The following SPTBN2 variants were observed in gnomAD, a reference collection of about 807,000 sequenced individuals.
SPTBN2 encodes spectrin beta, non-erythrocytic 2, also known as spectrin beta chain, non-erythrocytic 2.
Under a neutral mutation model 284.2 loss-of-function variants are expected in SPTBN2, and 107 were observed. That is an observed-to-expected ratio of 0.38 (90% confidence interval 0.32 to 0.44). SPTBN2 has a LOEUF of 0.44. Among genes scored for constraint, SPTBN2 ranks in the 20% least tolerant of loss-of-function variants. The pLI, the probability that SPTBN2 is intolerant of heterozygous loss-of-function variation, is 1.00. For synonymous variants in SPTBN2, 1,289 were observed against 1,354.8 expected (o/e 0.95, Z 1.07); for missense variants, 2,569 against 3,287.1 (o/e 0.78, Z 5.34).
intron 20 of SPTBN2, among the ~76,000 whole-genome samples, chr11:66,696,837 C>T (rs746042128): frequency 7.2e-5 from 11 of 152,216 alleles, no homozygotes; most frequent in Non-Finnish European, 1.5e-4. Flanking sequence ...GTTTCTGGCA[C>T]CACACTGCAC....
chr11:66,706,088 C>G (rs1941539263), intron 13 of SPTBN2, among the ~76,000 whole-genome samples: 1 of 152,154 alleles, frequency 6.6e-6, no homozygotes, highest in African/African-American at 2.4e-5. Flanking sequence ...TCTTCTCAGC[C>G]TCAGAATCAT....
At chr11:66,733,682 T>C (rs1942830895), upstream of SPTBN2, among the ~76,000 whole-genome samples, 1 of 152,110 alleles carries the variant, frequency 6.6e-6, no homozygotes, top group Non-Finnish European at 1.5e-5. Context: ...AGATGGTAAT[T>C]GAAGGGGATA....
At position 66,689,105 on chromosome 11, in the gene SPTBN2, G is replaced by A. The variant is rs1940357178; in HGVS notation, c.6025C>T (p.Leu2009Phe). 3.1e-6 allele frequency: 5 copies of A among 1,607,992 alleles called. No individual in the cohort carries two copies. Among genetic ancestry groups the A allele is most frequent in the South Asian group, 2.2e-5 (2 of 89,978 alleles). ...CCCCTTGGCAGCTCACCCAGCTGAAGCCAGTCCATCTTCTCCTGCCACTTC... is the reference window on the plus strand; with the variant it reads ...CCCCTTGGCAGCTCACCCAGCTGAAACCAGTCCATCTTCTCCTGCCACTTC... ...AEKWQEKMDWLQLVLEVLVFG... is the reference protein window; with the variant it reads ...AEKWQEKMDWFQLVLEVLVFG... Residue 2009 changes from leucine to phenylalanine, a missense_variant, in exon 30 of 38, where the codon CTT (leucine) becomes TTT (phenylalanine). This residue lies in a region of SPTBN2 where 1,130 missense variants were observed against 1,317.3 expected (regional missense o/e 0.86). Coordinates refer to ENST00000533211, the MANE Select transcript of SPTBN2 (RefSeq NM_006946.4).
intron 21 of SPTBN2, among the ~76,000 whole-genome samples, chr11:66,695,127 G>A (rs912386224): frequency 1.3e-5 from 2 of 151,500 alleles, no homozygotes; most frequent in African/African-American, 4.9e-5. Flanking sequence ...CTCCTTCCTG[G>A]GGGACTCCTC....
rs1942271635 is a variant in SPTBN2 at position 66,718,987 on chromosome 11, C to A, written c.157+2097G>T. On this transcript the variant is annotated intron_variant, in intron 3 of 37. Transcript: ENST00000533211. This position sits in a 1 kb window ranked among gnomAD's most constrained non-coding sequence, Gnocchi z 4.8. Reference sequence around the variant, plus strand: ...GCCCATCAGGCCCCAAGTTACCTAACAATGCACAGGACCCACGAGAGGGGC... The same window carrying A: ...GCCCATCAGGCCCCAAGTTACCTAAAAATGCACAGGACCCACGAGAGGGGC... Among the ~76,000 whole-genome samples the A allele has an allele frequency of 1.3e-5, 2 of 152,252 alleles. No individual in the cohort carries two copies. The highest frequency in any genetic ancestry group is 2.1e-4 in the South Asian group (1 of 4,834).
chr11:66,703,743 AAAAG>A (rs1941372392), intron 15 of SPTBN2, among the ~76,000 whole-genome samples: 1 of 152,064 alleles, frequency 6.6e-6, no homozygotes, highest in Admixed American at 6.6e-5. Context: ...TCTCAAAAAA[AAAAG>A]AAATTCCTAA....
chr11:66,736,289 G>A (rs1250124420), intron 1 of SPTBN2, among the ~76,000 whole-genome samples: 1 of 152,134 alleles, frequency 6.6e-6, no homozygotes, highest in African/African-American at 2.4e-5. Flanking sequence ...TGATGAAATC[G>A]GAGAAAGTAG....
intron 1 of SPTBN2, among the ~76,000 whole-genome samples, chr11:66,735,129 G>T (rs1942843204): frequency 1.3e-5 from 2 of 151,944 alleles, no homozygotes; most frequent in Non-Finnish European, 2.9e-5. Flanking sequence ...GGTCAGGAGT[G>T]GGAGACCAGC....
At chr11:66,701,445 TCC>T in intron 16 of SPTBN2, 137 bp downstream of exon 16, 1 of 1,541,428 alleles carries the variant, frequency 6.5e-7, no homozygotes, top group Admixed American at 1.8e-5. Flanking sequence ...TCATCCTTTT[TCC>T]TTCCCCAACA....
chr11:66,740,493 AG>A (rs1942888636), intron 1 of SPTBN2, among the ~76,000 whole-genome samples: 1 of 152,116 alleles, frequency 6.6e-6, no homozygotes, highest in Admixed American at 6.5e-5. Context: ...GAGGGAGGTG[AG>A]TGGTGAAGCT....
At position 66,691,356 on chromosome 11, in the gene SPTBN2, G is replaced by A; in HGVS notation, c.5493C>T (p.Asp1831=). The A allele has an allele frequency of 6.3e-7, 1 of 1,579,706 alleles. No homozygotes were observed. Among genetic ancestry groups the A allele is most frequent in the Non-Finnish European group, 8.6e-7 (1 of 1,159,198 alleles). The change falls in exon 27 of 38, where the codon GAC becomes GAT. Residue 1831 remains aspartate (D), a synonymous_variant. Coordinates refer to ENST00000533211, the MANE Select transcript of SPTBN2 (RefSeq NM_006946.4). This position sits in a 1 kb window ranked among gnomAD's most constrained non-coding sequence, Gnocchi z 8.0. ...GCTGCAGGGCCTCGGCAGCGTTGAG[G>A]TCGCGGCCAGTCCCGTCCGGAAGCT... is the stretch of plus-strand genomic sequence containing the variant. ...QQQLPDGTGR[D]LNAAEALQRR...
chr11:66,691,590 G>A lies in SPTBN2; in HGVS notation c.5259C>T (p.Ser1753=), dbSNP rs963539496. 6 of 1,613,656 alleles carry A rather than the reference G, an allele frequency of 3.7e-6. No homozygotes were observed. Among genetic ancestry groups the A allele is most frequent in the African/African-American group, 2.7e-5 (2 of 74,948 alleles). ...TGAGCCCATTGGCCAGCGCATTGGCGCTATCTACGCGCTCCTGACCGATGG... is the reference window on the plus strand; with the variant it reads ...TGAGCCCATTGGCCAGCGCATTGGCACTATCTACGCGCTCCTGACCGATGG... ...TSTIGQERVD[S]ANALANGLIA... Residue 1753 remains serine, a synonymous_variant, in exon 27 of 38, where the codon AGC becomes AGT. Transcript: ENST00000533211. The surrounding 1 kb of genome is among the most constrained non-coding windows in gnomAD (Gnocchi z 8.0).
intron 1 of SPTBN2, among the ~76,000 whole-genome samples, chr11:66,726,720 C>T (rs897637990): frequency 2.6e-5 from 4 of 152,202 alleles, no homozygotes; most frequent in African/African-American, 9.7e-5. Flanking sequence ...AGGAGAACGG[C>T]AGAGCTAGAG....
chr11:66,690,512 G>A, intron 27 of SPTBN2, among the ~76,000 whole-genome samples: 1 of 152,194 alleles, frequency 6.6e-6, no homozygotes, highest in East Asian at 1.9e-4. Flanking sequence ...ATCTGGAAAA[G>A]AGCCATTGGC....
chr11:66,687,589 C>T lies in SPTBN2; in HGVS notation c.6560G>A (p.Arg2187Gln), dbSNP rs775830950. The change falls in exon 35 of 38, where the codon CGG becomes CAG. Residue 2187 changes from arginine to glutamine, a missense_variant. Transcript: ENST00000533211. This position sits in a 1 kb window ranked among gnomAD's most constrained non-coding sequence, Gnocchi z 5.2. ...GGGCATTGCAGATGGGGCCGGGCCC[C>T]GAGTCCGGGTCTGCCTCTCTCCCCG... The part of the protein sequence containing the change: ...GPRGERQTRT[R>Q]GPAPSAMPQS... The T allele has an allele frequency of 8.1e-6, 13 of 1,610,232 alleles. No homozygotes were observed. The South Asian group carries it at 1.1e-4, about 14-fold the overall frequency.
In SPTBN2 at chr11:66,705,789, C is replaced by T; in HGVS notation, c.1702G>A (p.Asp568Asn). Reference sequence around the variant, plus strand: ...ACCAGCTCGTGCAGCTGCAGCAGGTCCTCCACTCCTGCTAGGTGCCTGCCC... The same window carrying T: ...ACCAGCTCGTGCAGCTGCAGCAGGTTCTCCACTCCTGCTAGGTGCCTGCCC... Reference protein sequence around the residue: ...DLGRHLAGVEDLLQLHELVEA... With the variant: ...DLGRHLAGVENLLQLHELVEA... Residue 568 changes from aspartate to asparagine, a missense_variant, in exon 14 of 38, where the codon GAC becomes AAC. By Grantham distance (23) the Asp-to-Asn change is conservative. Around this residue, in one of 6 missense-constraint regions of SPTBN2, gnomAD observed 1,012 missense variants for 1,248.9 expected, o/e 0.81. Coordinates refer to ENST00000533211, the MANE Select transcript of SPTBN2 (RefSeq NM_006946.4). 1 of 1,612,368 alleles carries T rather than the reference C, an allele frequency of 6.2e-7. No homozygotes were observed. The highest frequency in any genetic ancestry group is 8.5e-7 in the Non-Finnish European group (1 of 1,179,842).
Position 66,700,489 on chromosome 11 carries a change from T to TCTTCCTCCTGCTTGGGACTTTGCC in SPTBN2, c.3573+13_3573+36dup, listed in dbSNP as rs775896622. 1 of 1,599,742 alleles carries TCTTCCTCCTGCTTGGGACTTTGCC rather than the reference T, an allele frequency of 6.3e-7. No homozygotes were observed. The highest frequency in any genetic ancestry group is 1.1e-5 in the South Asian group (1 of 91,002). On this transcript the variant is annotated intron_variant, in intron 17 of 37. Coordinates refer to ENST00000533211, the MANE Select transcript of SPTBN2 (RefSeq NM_006946.4). This position sits in a 1 kb window ranked among gnomAD's most constrained non-coding sequence, Gnocchi z 6.6. The stretch of plus-strand genomic sequence containing the variant: ...ACATTTCCCCGGGTCCCTACTTTGC[T>TCTTCCTCCTGCTTGGGACTTTGCC]CTTCCTCCTGCTTGGGACTTTGCCC...
rs201807685 is a variant in SPTBN2 at position 66,701,266 on chromosome 11, G to A, written c.2833C>T (p.Arg945Cys). 2.2e-5 allele frequency: 35 copies of A among 1,612,374 alleles called. No homozygotes were observed. The highest frequency in any genetic ancestry group is 2.8e-5 in the Non-Finnish European group (33 of 1,180,008). Residue 945 changes from arginine to cysteine, a missense_variant, in exon 17 of 38, where the codon CGT becomes TGT. Around this residue, in one of 6 missense-constraint regions of SPTBN2, gnomAD observed 1,012 missense variants for 1,248.9 expected, o/e 0.81. Coordinates refer to ENST00000533211, the MANE Select transcript of SPTBN2 (RefSeq NM_006946.4). Reference sequence around the variant, plus strand: ...GCTGCCTTCTTGCCGTCTGCCAGACGCCGAAACTGCTGCCACCTGAGAGCA... The same window carrying A: ...GCTGCCTTCTTGCCGTCTGCCAGACACCGAAACTGCTGCCACCTGAGAGCA... ...QLNHRWQQFRRLADGKKAALT... is the reference protein window; with the variant it reads ...QLNHRWQQFRCLADGKKAALT...
chr11:66,687,599 T>C lies in SPTBN2; in HGVS notation c.6550A>G (p.Thr2184Ala). Residue 2184 changes from threonine (T) to alanine (A), a missense_variant, in exon 35 of 38, where the codon ACC becomes GCC. Transcript: ENST00000533211. The surrounding 1 kb of genome is among the most constrained non-coding windows in gnomAD (Gnocchi z 5.2). ...EANGPRGERQ[T>A]RTRGPAPSAM... ...GATGGGGCCGGGCCCCGAGTCCGGG[T>C]CTGCCTCTCTCCCCGGGGCCCATTG... 6.2e-7 allele frequency: 1 copy of C among 1,608,844 alleles called. No homozygotes were observed. Among genetic ancestry groups the C allele is most frequent in the Non-Finnish European group, 8.5e-7 (1 of 1,178,444 alleles).
Sources: allele counts gnomAD v4.1 joint callset (sites outside exome capture counted in the v4.1 genomes callset), GRCh38; gene constraint gnomAD v4.1.1; regional missense constraint gnomAD v4.1.1; non-coding constraint Gnocchi (gnomAD v3.1); transcripts MANE v1.5; gene names NCBI Gene and HGNC (gene_info 2026-07-23, HGNC 2026-07-21).